Variants in ACYP2 observed in about 807,000 individuals in gnomAD.
ACYP2 encodes acylphosphatase 2.
Under a neutral mutation model 11.2 loss-of-function variants are expected in ACYP2, and 12 were observed. The ratio of observed to expected loss-of-function variants is 1.08; its 90% CI spans 0.69 to 1.74. ACYP2 has a LOEUF of 1.74. Ranked by LOEUF, ACYP2 falls within the 40% of genes most tolerant of loss-of-function variation. The pLI, the probability that ACYP2 is intolerant of heterozygous loss-of-function variation, is 0.00. For missense variants in ACYP2, 134 were observed against 101.9 expected, an observed-to-expected ratio of 1.31 and a Z score of -1.35; for synonymous variants, 43 against 32.2, an observed-to-expected ratio of 1.33 and a Z score of -1.13.
chr2:53,989,198 T>C (rs896710974), intron 2 of ACYP2, among the ~76,000 whole-genome samples: 1 of 152,010 alleles, frequency 6.6e-6, no homozygotes, highest in African/African-American at 2.4e-5. Flanking sequence ...CACCATCGAC[T>C]ATTGTGATCT....
At chr2:54,266,301 C>T (rs574421252) in intron 6 of ACYP2, among the ~76,000 whole-genome samples, 3 of 152,150 alleles carry the variant, frequency 2.0e-5, no homozygotes, top group Non-Finnish European at 4.4e-5. Flanking sequence ...ACTGGACATG[C>T]CCATGCCCTT....
intron 6 of ACYP2, among the ~76,000 whole-genome samples, chr2:54,218,984 G>C (rs1437490872): frequency 6.6e-6 from 1 of 151,960 alleles, no homozygotes; most frequent in African/African-American, 2.4e-5. Flanking sequence ...TTGGAAGGAA[G>C]AAAGAAAAAA....
At chr2:54,211,320 A>G (rs191920687) in intron 6 of ACYP2, among the ~76,000 whole-genome samples, 27 of 152,362 alleles carry the variant, frequency 1.8e-4, no homozygotes, top group African/African-American at 6.3e-4. Context: ...ATTTCTATGC[A>G]TTTAAACATG....
chr2:54,042,995 G>A (rs967756752), intron 2 of ACYP2, among the ~76,000 whole-genome samples: 2 of 152,152 alleles, frequency 1.3e-5, no homozygotes, highest in African/African-American at 2.4e-5. Context: ...CAGTCCATGC[G>A]TAGCATGGCC....
intron 6 of ACYP2, among the ~76,000 whole-genome samples, chr2:54,173,402 T>C (rs1683297982): frequency 6.6e-6 from 1 of 152,226 alleles, no homozygotes; most frequent in Non-Finnish European, 1.5e-5. Context: ...TGTTTTTTTC[T>C]TGTAAATTTG....
intron 4 of ACYP2, among the ~76,000 whole-genome samples, chr2:54,078,424 C>CATATGGTACGCATAT (rs1677462944): frequency 7.2e-6 from 1 of 139,026 alleles, no homozygotes; most frequent in Non-Finnish European, 1.5e-5. Flanking sequence ...ATATGGTACG[C>CATATGGTACGCATAT]ATATATATAT....
chr2:54,277,925 T>C (rs540959080), intron 6 of ACYP2, among the ~76,000 whole-genome samples: 1 of 152,312 alleles, frequency 6.6e-6, no homozygotes, highest in South Asian at 2.1e-4. Context: ...AAAAAGAGAA[T>C]GCGATAAATC....
chr2:54,064,410 G>A (rs746496095), intron 4 of ACYP2, among the ~76,000 whole-genome samples: 12 of 152,336 alleles, frequency 7.9e-5, no homozygotes, highest in South Asian at 4.1e-4. Context: ...GTGGTTTCCA[G>A]GGTGTTGGCA....
chr2:54,273,829 C>T (rs556880822), intron 6 of ACYP2, among the ~76,000 whole-genome samples: 1 of 152,286 alleles, frequency 6.6e-6, no homozygotes, highest in African/African-American at 2.4e-5. Flanking sequence ...CTGCCCTCCA[C>T]CTCATCCCAG....
At chr2:54,249,275 C>G (rs892594174) in intron 6 of ACYP2, among the ~76,000 whole-genome samples, 1 of 151,970 alleles carries the variant, frequency 6.6e-6, no homozygotes, top group South Asian at 2.1e-4. Flanking sequence ...GGAAAGGGAA[C>G]AATTCTGGAA....
chr2:53,974,246 G>C (rs1350379828), intron 2 of ACYP2, among the ~76,000 whole-genome samples: 1 of 152,042 alleles, frequency 6.6e-6, no homozygotes. Context: ...GGATGAAAAG[G>C]AGCCAGTGGA....
intron 4 of ACYP2, among the ~76,000 whole-genome samples, chr2:54,131,449 C>G (rs1281626106): frequency 6.6e-6 from 1 of 152,196 alleles, no homozygotes; most frequent in Non-Finnish European, 1.5e-5. Flanking sequence ...CCTCTTTGGG[C>G]AGCTCCAGTA....
intron 2 of ACYP2, among the ~76,000 whole-genome samples, chr2:53,988,665 A>G (rs1283807677): frequency 6.6e-6 from 1 of 152,110 alleles, no homozygotes; most frequent in Non-Finnish European, 1.5e-5. Flanking sequence ...GGCTCAAGCA[A>G]TCTGCCTGTC....
At chr2:53,985,354 G>C (rs555178425) in intron 2 of ACYP2, among the ~76,000 whole-genome samples, 1 of 151,968 alleles carries the variant, frequency 6.6e-6, no homozygotes, top group East Asian at 1.9e-4. Flanking sequence ...GGTGTGAGCC[G>C]CTGCACCTGG....
intron 4 of ACYP2, among the ~76,000 whole-genome samples, chr2:54,115,082 T>C (rs1679673203): frequency 6.6e-6 from 1 of 152,122 alleles, no homozygotes. Flanking sequence ...GGGTACAAAG[T>C]TTCAGTTAGT....
intron 2 of ACYP2, among the ~76,000 whole-genome samples, chr2:54,016,247 T>A (rs1673676797): frequency 6.6e-6 from 1 of 152,038 alleles, no homozygotes; most frequent in East Asian, 1.9e-4. Context: ...TCTGTAAACA[T>A]CTGTAGCCCT....
At chr2:54,036,659 A>C (rs1674919245) in intron 2 of ACYP2, among the ~76,000 whole-genome samples, 1 of 152,208 alleles carries the variant, frequency 6.6e-6, no homozygotes. Context: ...GTGTCTTCTG[A>C]TGGTGAATTG....
chr2:54,153,460 G>GTTT (rs3069007), intron 6 of ACYP2, among the ~76,000 whole-genome samples: 27,112 of 132,698 alleles, frequency 0.2, 2,827 homozygotes, highest in South Asian at 0.25. Context: ...GCTACTTAGG[G>GTTT]TTTTTTTTTT....
chr2:54,217,883 GTTAAGA>G (rs1685623596), intron 6 of ACYP2, among the ~76,000 whole-genome samples: 1 of 152,246 alleles, frequency 6.6e-6, no homozygotes, highest in Non-Finnish European at 1.5e-5. Flanking sequence ...TGTCTGCTTT[GTTAAGA>G]TTAAGTATGG....
Sources: allele counts gnomAD v4.1 joint callset (sites outside exome capture counted in the v4.1 genomes callset), GRCh38; gene constraint gnomAD v4.1.1; transcripts MANE v1.5; gene names NCBI Gene and HGNC (gene_info 2026-07-23, HGNC 2026-07-21).